BIRC6: variants seen among roughly 807,000 people sequenced by gnomAD.
BIRC6 encodes the protein baculoviral IAP repeat containing 6.
A neutral mutation model predicts 503.3 loss-of-function variants in BIRC6; 98 were observed. The ratio of observed to expected loss-of-function variants is 0.19; its 90% CI spans 0.17 to 0.23. The LOEUF is 0.23. Ranked by LOEUF, BIRC6 falls within the 10% of genes least tolerant of loss-of-function variation. The probability of loss-of-function intolerance (pLI) is 1.00; values close to 1 mark genes in which losing one functional copy is unlikely to be tolerated. For synonymous variants in BIRC6, 2,240 were observed against 2,078.7 expected, an observed-to-expected ratio of 1.08 and a Z score of -2.11; for missense variants, 5,360 against 5,806.0, an observed-to-expected ratio of 0.92 and a Z score of 2.50.
At chr2:32,477,696 C>A in intron 35 of BIRC6, 113 bp downstream of exon 35, 1 of 713,994 alleles carries the variant, frequency 1.4e-6, no homozygotes, top group Non-Finnish European at 2.2e-6. Flanking sequence ...TCTAGGAGTT[C>A]CAGACTAGTG....
intron 4 of BIRC6, among the ~76,000 whole-genome samples, chr2:32,390,138 G>T (rs2039024301): frequency 6.6e-6 from 1 of 151,806 alleles, no homozygotes; most frequent in Non-Finnish European, 1.5e-5. Flanking sequence ...GGGATTACAG[G>T]CATGAGCCAT....
rs769355546 is a variant in BIRC6, at chr2:32,445,547, C to T, written c.4363C>T (p.Leu1455=). ...GGSVYWYFVL[L]NYVKDEDLAG... ...TTCTGTCTATTGGTATTTTGTCTTA[C>T]TGAATTATGTGAAAGATGAAGATCT... Residue 1455 remains leucine, a synonymous_variant, in exon 21 of 74, where the codon CTG becomes TTG. Transcript: ENST00000421745. 5 of 1,592,754 alleles carry T rather than the reference C, an allele frequency of 3.1e-6. No individual in the cohort carries two copies. Among genetic ancestry groups the T allele is most frequent in the Middle Eastern group, 1.7e-4 (1 of 6,024 alleles).
intron 8 of BIRC6, among the ~76,000 whole-genome samples, chr2:32,405,830 A>T (rs2041147229): frequency 6.6e-6 from 1 of 152,208 alleles, no homozygotes; most frequent in Non-Finnish European, 1.5e-5. Flanking sequence ...TACTACTGCA[A>T]GCTGGTGCTT....
chr2:32,417,632 C>T (rs905494400), intron 10 of BIRC6, among the ~76,000 whole-genome samples: 4 of 152,128 alleles, frequency 2.6e-5, no homozygotes, highest in Non-Finnish European at 5.9e-5. Flanking sequence ...AGCAGAGTTA[C>T]GCATGCATCT....
intron 66 of BIRC6, among the ~76,000 whole-genome samples, chr2:32,576,590 ATTT>A (rs1382657992): frequency 6.6e-6 from 1 of 152,060 alleles, no homozygotes; most frequent in Non-Finnish European, 1.5e-5. Flanking sequence ...TTTCTCACTT[ATTT>A]TTTAAGAACC....
chr2:32,368,742 C>G (rs1384082496), intron 1 of BIRC6, among the ~76,000 whole-genome samples: 1 of 152,008 alleles, frequency 6.6e-6, no homozygotes, highest in Non-Finnish European at 1.5e-5. Context: ...ACGTCTTCCT[C>G]CTGGGTTCAA....
In BIRC6 at chr2:32,375,033, C is replaced by G. The variant is rs182137294; in HGVS notation, c.326-2555C>G. Among the ~76,000 whole-genome samples, 13 of 152,124 alleles carry G rather than the reference C, an allele frequency of 8.5e-5. No individual in the cohort carries two copies. In the East Asian group the frequency reaches 2.3e-3, roughly 27 times the overall value. ...TAGGCTTTTGATTTGTGTAATCAGC[C>G]TTTTATACTTTTCAGCATACATATA... On this transcript the variant is annotated intron_variant, in intron 1 of 73. Transcript: ENST00000421745.
chr2:32,570,389 G>A (rs2059834675), intron 65 of BIRC6, among the ~76,000 whole-genome samples: 1 of 152,152 alleles, frequency 6.6e-6, no homozygotes, highest in African/African-American at 2.4e-5. Context: ...TCACCATGTT[G>A]GTCAGGCTGG....
At chr2:32,611,847 C>T (rs541357185) in intron 73 of BIRC6, among the ~76,000 whole-genome samples, 1 of 152,154 alleles carries the variant, frequency 6.6e-6, no homozygotes, top group East Asian at 1.9e-4. Flanking sequence ...ATAATGATGA[C>T]AAGATGTGCT....
chr2:32,375,867 A>G (rs1052822848), intron 1 of BIRC6, among the ~76,000 whole-genome samples: 19 of 150,302 alleles, frequency 1.3e-4, no homozygotes, highest in African/African-American at 4.4e-4. Flanking sequence ...TTCAGGGTTT[A>G]TGGTATTGCA....
At position 32,515,416 on chromosome 2, in the gene BIRC6, G is replaced by A. The variant is rs554019111; in HGVS notation, c.10995G>A (p.Arg3665=). ...QSIDISQDKL[R]RHHVPQQCNK... ...TAGATATTTCCCAGGACAAACTCAG[G>A]CGCCATCATGTCCCACAACAATGTA... is the stretch of plus-strand genomic sequence containing the variant. The change falls in exon 55 of 74, where the codon AGG becomes AGA. Residue 3665 remains arginine, a synonymous_variant. Coordinates refer to ENST00000421745, the MANE Select transcript of BIRC6 (RefSeq NM_016252.4). 1.2e-6 allele frequency: 2 copies of A among 1,612,978 alleles called. No homozygotes were observed. The highest frequency in any genetic ancestry group is 4.5e-5 in the East Asian group (2 of 44,860).
At chr2:32,420,030 T>C (rs1284243814) in intron 10 of BIRC6, among the ~76,000 whole-genome samples, 4 of 152,248 alleles carry the variant, frequency 2.6e-5, no homozygotes. Context: ...AAATCAACTT[T>C]GCGTTCCTGG....
chr2:32,511,972 C>G (rs925269961), intron 53 of BIRC6, among the ~76,000 whole-genome samples: 3 of 152,032 alleles, frequency 2.0e-5, no homozygotes, highest in Admixed American at 6.6e-5. Flanking sequence ...GAACAGGTTG[C>G]TTGAAATCTG....
chr2:32,428,542 GGA>G (rs745833396), intron 10 of BIRC6, among the ~76,000 whole-genome samples: 1 of 152,068 alleles, frequency 6.6e-6, no homozygotes, highest in Non-Finnish European at 1.5e-5. Context: ...TTCAGGAAGG[GGA>G]TTTATCATCT....
intron 61 of BIRC6, among the ~76,000 whole-genome samples, chr2:32,542,032 A>G (rs2057700988): frequency 6.6e-6 from 1 of 152,100 alleles, no homozygotes; most frequent in African/African-American, 2.4e-5. Flanking sequence ...AGTCTTGCAT[A>G]TGTAACAATT....
chr2:32,460,209 GAT>G (rs200872682), intron 23 of BIRC6, among the ~76,000 whole-genome samples: 4,455 of 95,038 alleles, frequency 0.047, 187 homozygotes, highest in African/African-American at 0.12. Flanking sequence ...TATCATATAT[GAT>G]ATATATATAT....
At position 32,439,374 on chromosome 2, in the gene BIRC6, A is replaced by G. The variant is rs941064879; in HGVS notation, c.3632-134A>G. The G allele has an allele frequency of 6.1e-5, 52 of 858,278 alleles. No individual in the cohort carries two copies. The African/African-American group carries it at 7.6e-4, about 12-fold the overall frequency. The allele number at this position is 858,278 out of a possible 1,614,324, so 53.2% of individuals were successfully genotyped here. A position where few individuals can be genotyped will look rare whatever the true frequency, so the allele number is the denominator to read the frequency against. ...AGGTGGTTCAACTTTCTTCTGCTCAAACAGTATAATTTGAAAGTTCTGGCC... is the reference window on the plus strand; with the variant it reads ...AGGTGGTTCAACTTTCTTCTGCTCAGACAGTATAATTTGAAAGTTCTGGCC... On this transcript the variant is annotated intron_variant, in intron 15 of 73. Transcript: ENST00000421745.
At chr2:32,522,733 C>T (rs1011604685) in intron 57 of BIRC6, 2 of 152,146 alleles carry the variant, frequency 1.3e-5, no homozygotes, top group African/African-American at 2.4e-5. Context: ...CCCTGAAACC[C>T]TGGGGTTGCT....
At chr2:32,449,863 A>C (rs1175053780) in intron 22 of BIRC6, among the ~76,000 whole-genome samples, 2 of 152,214 alleles carry the variant, frequency 1.3e-5, no homozygotes, top group South Asian at 4.1e-4. Flanking sequence ...CTGGTCTGTC[A>C]CTTGCTTTTT....
Sources: gnomAD v4.1 joint callset for allele counts (sites outside exome capture counted in the v4.1 genomes callset) on GRCh38, gnomAD v4.1.1 for gene constraint, MANE v1.5 for transcripts, NCBI Gene and HGNC (gene_info 2026-07-23, HGNC 2026-07-21) for gene names.